The following MYO3B variants were observed in gnomAD, a reference collection of about 807,000 sequenced individuals.
The protein encoded by MYO3B is myosin IIIB.
MYO3B carries 156 observed loss-of-function variants against 174.6 expected under a neutral mutation model. The ratio of observed to expected loss-of-function variants is 0.89; its 90% confidence interval spans 0.78 to 1.02. The LOEUF is 1.02. MYO3B is among the 50% of genes least tolerant of loss of function. The pLI, the probability that MYO3B is intolerant of heterozygous loss-of-function variation, is 0.00. For missense variants in MYO3B, 1,632 were observed against 1,639.4 expected, an observed-to-expected ratio of 1.00 and a Z score of 0.08; for synonymous variants, 563 against 569.1, an observed-to-expected ratio of 0.99 and a Z score of 0.15.
At chr2:170,517,058 CTGTT>C (rs1236987389) in intron 29 of MYO3B, among the ~76,000 whole-genome samples, 2 of 152,158 alleles carry the variant, frequency 1.3e-5, no homozygotes, top group Non-Finnish European at 2.9e-5. Flanking sequence ...ATACTGAAAA[CTGTT>C]TGACAATTTC....
At chr2:170,293,602 A>G (rs2093610059) in intron 7 of MYO3B, among the ~76,000 whole-genome samples, 1 of 152,128 alleles carries the variant, frequency 6.6e-6, no homozygotes, top group South Asian at 2.1e-4. Context: ...TCAGTCTTCC[A>G]GCCAAAAATC....
intron 30 of MYO3B, 30 bp from the exon 31 acceptor site, chr2:170,542,876 T>G (rs1212108929): frequency 6.5e-7 from 1 of 1,542,472 alleles, no homozygotes; most frequent in Non-Finnish European, 8.8e-7. Flanking sequence ...TTCAAGTCTT[T>G]TAAAATTATT....
At chr2:170,527,073 G>C (rs1689052128) in intron 30 of MYO3B, among the ~76,000 whole-genome samples, 1 of 152,170 alleles carries the variant, frequency 6.6e-6, no homozygotes, top group Admixed American at 6.5e-5. Context: ...TTTACCTGCT[G>C]ATGTTTTACT....
chr2:170,367,663 A>G (rs1456356406), intron 8 of MYO3B, among the ~76,000 whole-genome samples: 1 of 152,232 alleles, frequency 6.6e-6, no homozygotes, highest in Non-Finnish European at 1.5e-5. Flanking sequence ...GCATTTTTGC[A>G]TAATATCTAA....
chr2:170,643,504 G>A (rs1034444452), intron 32 of MYO3B, among the ~76,000 whole-genome samples: 1 of 152,140 alleles, frequency 6.6e-6, no homozygotes, highest in African/African-American at 2.4e-5. Flanking sequence ...AGTTGGCAGA[G>A]CTCTGTAAAT....
At chr2:170,518,292 C>T (rs1688451841) in intron 29 of MYO3B, among the ~76,000 whole-genome samples, 1 of 152,142 alleles carries the variant, frequency 6.6e-6, no homozygotes, top group South Asian at 2.1e-4. Flanking sequence ...ATAATGTCAA[C>T]CATTTATGCA....
intron 25 of MYO3B, among the ~76,000 whole-genome samples, chr2:170,467,456 C>T (rs1265478989): frequency 4.0e-5 from 6 of 151,862 alleles, no homozygotes; most frequent in East Asian, 1.9e-4. Context: ...CTTTTCTGAA[C>T]GACTGCCATA....
At chr2:170,409,414 T>C (rs1231467628) in intron 22 of MYO3B, among the ~76,000 whole-genome samples, 1 of 152,188 alleles carries the variant, frequency 6.6e-6, no homozygotes, top group Non-Finnish European at 1.5e-5. Context: ...CACCACTTGA[T>C]AGAAACAAAA....
intron 25 of MYO3B, among the ~76,000 whole-genome samples, chr2:170,495,331 G>A (rs757527348): frequency 3.3e-5 from 5 of 152,168 alleles, no homozygotes; most frequent in Non-Finnish European, 5.9e-5. Flanking sequence ...AAATTATTCC[G>A]TGAAGGAAAC....
chr2:170,499,646 G>C lies in MYO3B; in HGVS notation c.3127G>C (p.Val1043Leu). 1 of 1,613,934 alleles carries C rather than the reference G, an allele frequency of 6.2e-7. No individual in the cohort carries two copies. Among genetic ancestry groups the C allele is most frequent in the Non-Finnish European group, 8.5e-7 (1 of 1,179,866 alleles). ...TGCTAAAACTACTGTCTCGTTTCAGGTTTTTCTCAAATATTACCATGTTGA... is the reference window on the plus strand; with the variant it reads ...TGCTAAAACTACTGTCTCGTTTCAGCTTTTTCTCAAATATTACCATGTTGA... Reference protein sequence around the residue: ...LDHWVLGKTKVFLKYYHVEQL... With the variant: ...LDHWVLGKTKLFLKYYHVEQL... Residue 1043 changes from valine to leucine, a missense_variant and splice_region_variant, in exon 27 of 35, where the codon GTT (valine) becomes CTT (leucine). Coordinates refer to ENST00000408978, the MANE Select transcript of MYO3B (RefSeq NM_138995.5).
intron 32 of MYO3B, among the ~76,000 whole-genome samples, chr2:170,574,366 A>AT (rs1271401759): frequency 2.0e-5 from 3 of 152,010 alleles, no homozygotes; most frequent in African/African-American, 7.2e-5. Context: ...CAATTTGGGG[A>AT]TTTTTTTGCA....
At chr2:170,478,571 G>T (rs1316656545) in intron 25 of MYO3B, among the ~76,000 whole-genome samples, 6 of 53,896 alleles carry the variant, frequency 1.1e-4, no homozygotes, top group South Asian at 1.8e-3. Context: ...AGGTTTTTTT[G>T]TGTTTTTTTT....
chr2:170,398,894 T>G (rs2094456725), intron 16 of MYO3B, among the ~76,000 whole-genome samples: 1 of 152,168 alleles, frequency 6.6e-6, no homozygotes, highest in Non-Finnish European at 1.5e-5. Flanking sequence ...GATCCGTGTT[T>G]GGTTGAAAAA....
chr2:170,246,096 C>T (rs2093186261), intron 7 of MYO3B, among the ~76,000 whole-genome samples: 1 of 152,108 alleles, frequency 6.6e-6, no homozygotes, highest in South Asian at 2.1e-4. Context: ...TACAAGTTCC[C>T]TAGATGATTC....
intron 32 of MYO3B, among the ~76,000 whole-genome samples, chr2:170,625,252 T>C (rs1179641010): frequency 6.6e-6 from 1 of 152,156 alleles, no homozygotes; most frequent in East Asian, 1.9e-4. Context: ...GAGCCTGTTA[T>C]TGGTCTATTC....
At chr2:170,220,765 G>A (rs958930989) in intron 6 of MYO3B, among the ~76,000 whole-genome samples, 4 of 152,090 alleles carry the variant, frequency 2.6e-5, no homozygotes, top group African/African-American at 9.7e-5. Flanking sequence ...CTGTTGCAGT[G>A]GATCAATTGA....
intron 8 of MYO3B, among the ~76,000 whole-genome samples, chr2:170,368,056 A>G (rs1464563858): frequency 2.0e-5 from 3 of 152,230 alleles, no homozygotes; most frequent in African/African-American, 4.8e-5. Flanking sequence ...AGTGTTTTGA[A>G]CTGAAAACTG....
chr2:170,282,345 A>C (rs2093518101), intron 7 of MYO3B, among the ~76,000 whole-genome samples: 1 of 152,120 alleles, frequency 6.6e-6, no homozygotes, highest in African/African-American at 2.4e-5. Context: ...TCCCAGCACC[A>C]CTTATTGGAA....
At chr2:170,181,124 G>A (rs2092393720) in intron 1 of MYO3B, among the ~76,000 whole-genome samples, 1 of 152,038 alleles carries the variant, frequency 6.6e-6, no homozygotes, top group Non-Finnish European at 1.5e-5. Flanking sequence ...TAGAGTTTTA[G>A]CTCTTACATC....
Sources: gnomAD v4.1 joint callset for allele counts (sites outside exome capture counted in the v4.1 genomes callset) on GRCh38, gnomAD v4.1.1 for gene constraint, MANE v1.5 for transcripts, NCBI Gene and HGNC (gene_info 2026-07-23, HGNC 2026-07-21) for gene names.